Variants in SCN7A observed in about 807,000 individuals in gnomAD.
SCN7A encodes sodium channel protein type 7 subunit alpha.
Under a neutral mutation model 155.2 loss-of-function variants are expected in SCN7A, and 138 were observed. The ratio of observed to expected loss-of-function variants is 0.89; its 90% CI spans 0.77 to 1.02. The LOEUF (loss-of-function observed/expected upper bound fraction) is 1.02. SCN7A is among the 50% of genes least tolerant of loss of function. The pLI, the probability that SCN7A is intolerant of heterozygous loss-of-function variation, is 0.00. For missense variants in SCN7A, 2,058 were observed against 1,986.6 expected (o/e 1.04, Z -0.68); for synonymous variants, 693 against 649.0 (o/e 1.07, Z -1.03).
intron 1 of SCN7A, among the ~76,000 whole-genome samples, chr2:166,490,801 C>T (rs886611758): frequency 2.0e-5 from 3 of 152,150 alleles, no homozygotes; most frequent in African/African-American, 7.2e-5. Context: ...TCCAACCTGC[C>T]CTCCCTGCAA....
At chr2:166,416,099 G>A (rs897070170) in intron 21 of SCN7A, among the ~76,000 whole-genome samples, 3 of 152,064 alleles carry the variant, frequency 2.0e-5, no homozygotes, top group Non-Finnish European at 1.5e-5. Flanking sequence ...ACTGAGATAC[G>A]CCCTGGTCTC....
chr2:166,418,691 AT>A (rs576692214), intron 20 of SCN7A, among the ~76,000 whole-genome samples: 67 of 152,246 alleles, frequency 4.4e-4, no homozygotes, highest in Admixed American at 1.2e-3. Context: ...ACTTTTAAAT[AT>A]TTTGAAAGGT....
chr2:166,414,474 T>TATATAC lies in SCN7A; in HGVS notation c.3415-1354_3415-1353insGTATAT, dbSNP rs1340304505. 9.2e-4 allele frequency: 128 copies of TATATAC among 139,398 alleles called. 2 individuals carry two copies. Among genetic ancestry groups the TATATAC allele is most frequent in the African/African-American group, 3.2e-3 (122 of 37,666 alleles). The allele number at this position is 139,398 out of a possible 1,614,324, so 8.6% of individuals were successfully genotyped here. A position where few individuals can be genotyped will look rare whatever the true frequency, so the allele number is the denominator to read the frequency against. ...ACTGAACTAATAGGATATATATATA[T>TATATAC]ATATATATATATCTCCTATCCTATA... On this transcript the variant is annotated intron_variant, in intron 21 of 25. Coordinates refer to ENST00000643258, the MANE Select transcript of SCN7A (RefSeq NM_002976.4).
chr2:166,470,622 T>A lies in SCN7A; in HGVS notation c.657A>T (p.Leu219Phe). The change falls in exon 7 of 26, where the codon TTA becomes TTT. Residue 219 changes from leucine (L) to phenylalanine (F), a missense_variant. Leu to Phe is a conservative substitution (Grantham distance 22). Transcript: ENST00000643258. ...RTLRILKIIPLNQGLKSLVGV... is the reference protein window; with the variant it reads ...RTLRILKIIPFNQGLKSLVGV... ...TTCAATGCAATTTCTTACCTTGATT[T>A]AAAGGAATAATTTTTAAAATTCTCA... The A allele has an allele frequency of 6.2e-7, 1 of 1,603,482 alleles. No homozygotes were observed. Among genetic ancestry groups the A allele is most frequent in the Non-Finnish European group, 8.5e-7 (1 of 1,173,780 alleles).
chr2:166,481,265 T>C (rs966006401), intron 2 of SCN7A, among the ~76,000 whole-genome samples: 3 of 152,144 alleles, frequency 2.0e-5, no homozygotes, highest in Admixed American at 1.3e-4. Flanking sequence ...AGTCATAAAA[T>C]TGGGATTCCT....
chr2:166,405,941 T>A lies in SCN7A; in HGVS notation c.4688A>T (p.Asp1563Val). The A allele has an allele frequency of 6.2e-7, 1 of 1,612,790 alleles. No individual in the cohort carries two copies. The highest frequency in any genetic ancestry group is 8.5e-7 in the Non-Finnish European group (1 of 1,179,320). ...KPNKGQLIAL[D>V]LPMAVGDRIH... is the part of the protein sequence containing the mutation. ...TCTGTCCCCAACAGCCATGGGGAGG[T>A]CCAAAGCAATGAGCTGGCCCTTGTT... is the stretch of plus-strand genomic sequence containing the variant. The change falls in exon 26 of 26, where the codon GAC (aspartate) becomes GTC (valine). Residue 1563 changes from aspartate to valine, a missense_variant. Physicochemically the swap from Asp to Val is radical, Grantham distance 152. Coordinates refer to ENST00000643258, the MANE Select transcript of SCN7A (RefSeq NM_002976.4).
intron 7 of SCN7A, among the ~76,000 whole-genome samples, chr2:166,470,142 T>G (rs13017982): frequency 2.0e-5 from 3 of 151,692 alleles, no homozygotes; most frequent in African/African-American, 7.2e-5. Context: ...CACAACCACA[T>G]TGATGGAAGA....
chr2:166,490,143 C>T (rs1016673650), intron 1 of SCN7A, among the ~76,000 whole-genome samples: 15 of 151,918 alleles, frequency 9.9e-5, no homozygotes, highest in African/African-American at 3.4e-4. Flanking sequence ...TTGAAATATA[C>T]AACACATTAT....
At chr2:166,446,205 C>T (rs6709223) in intron 12 of SCN7A, among the ~76,000 whole-genome samples, 19,463 of 151,976 alleles carry the variant, frequency 0.13, 1,369 homozygotes, top group Middle Eastern at 0.15. Context: ...AAAAAGTGGG[C>T]GAAGGATATG....
intron 20 of SCN7A, among the ~76,000 whole-genome samples, chr2:166,418,286 T>C (rs1241688817): frequency 9.3e-6 from 1 of 107,908 alleles, no homozygotes; most frequent in Non-Finnish European, 2.1e-5. Context: ...CCGCCAGGCT[T>C]TTTTTTTTTT....
intron 13 of SCN7A, among the ~76,000 whole-genome samples, chr2:166,444,050 G>A (rs1415935377): frequency 6.6e-6 from 1 of 152,154 alleles, no homozygotes; most frequent in African/African-American, 2.4e-5. Context: ...TATGGAAGCT[G>A]TCCTTTAAAA....
At chr2:166,454,411 A>G (rs1193186349) in intron 11 of SCN7A, among the ~76,000 whole-genome samples, 5 of 152,194 alleles carry the variant, frequency 3.3e-5, no homozygotes, top group Admixed American at 3.3e-4. Context: ...ACAAGTAGCT[A>G]TAGAGTCATT....
chr2:166,474,296 C>T lies in SCN7A; in HGVS notation c.283G>A (p.Ala95Thr). 6.5e-7 allele frequency: 1 copy of T among 1,529,856 alleles called. No homozygotes were observed. Among genetic ancestry groups the T allele is most frequent in the South Asian group, 1.2e-5 (1 of 81,584 alleles). The allele number at this position is 1,529,856 out of a possible 1,614,324, so 94.8% of individuals were successfully genotyped here. The change falls in exon 4 of 26, where the codon GCT becomes ACT. Residue 95 changes from alanine to threonine, a missense_variant. Ala to Thr is a moderately conservative substitution (Grantham distance 58). Coordinates refer to ENST00000643258, the MANE Select transcript of SCN7A (RefSeq NM_002976.4). The stretch of plus-strand genomic sequence containing the variant: ...GGAGACAATGTACACAAGATGGAAG[C>T]CGCATTGAATCTGAAGATTGTTCTA... ...KNRTIFRFNA[A>T]SILCTLSPFN...
chr2:166,414,101 T>TATTATATATATGTA (rs1559088079), intron 21 of SCN7A, among the ~76,000 whole-genome samples: 6 of 65,800 alleles, frequency 9.1e-5, no homozygotes. Context: ...ATATATAATA[T>TATTATATATATGTA]ATTATATATA....
intron 2 of SCN7A, among the ~76,000 whole-genome samples, chr2:166,482,717 G>T (rs1702956795): frequency 6.9e-6 from 1 of 145,414 alleles, no homozygotes; most frequent in South Asian, 2.2e-4. Context: ...TTGACTAGAT[G>T]AATGAATGAA....
chr2:166,414,265 C>CT (rs1559088669), intron 21 of SCN7A, among the ~76,000 whole-genome samples: 417 of 22,478 alleles, frequency 0.019, 25 homozygotes, highest in African/African-American at 0.05. Flanking sequence ...GATATATATA[C>CT]ACACACATAT....
At chr2:166,449,795 A>G (rs1337161880) in intron 11 of SCN7A, among the ~76,000 whole-genome samples, 1 of 152,108 alleles carries the variant, frequency 6.6e-6, no homozygotes, top group Non-Finnish European at 1.5e-5. Flanking sequence ...ACCAAAAAAA[A>G]CAAAAACAAA....
At chr2:166,412,257 C>T (rs1019211217) in intron 23 of SCN7A, among the ~76,000 whole-genome samples, 1 of 152,064 alleles carries the variant, frequency 6.6e-6, no homozygotes, top group African/African-American at 2.4e-5. Flanking sequence ...ATTTATTTTT[C>T]AGCCCATAAT....
In SCN7A at chr2:166,476,278, T is replaced by TA. The variant is rs74568701; in HGVS notation, c.234+1184dup. Among the ~76,000 whole-genome samples the TA allele has an allele frequency of 9.1e-4, 136 of 150,110 alleles. 1 individual carries two copies. The highest frequency in any genetic ancestry group is 2.5e-3 in the African/African-American group (102 of 41,008). On this transcript the variant is annotated intron_variant, in intron 3 of 25. Transcript: ENST00000643258. Reference sequence around the variant, plus strand: ...AGTATTCCAAATAACTGTAATTTATTAAAAAAAAAATCACTTTGTCTTCCA... The same window carrying TA: ...AGTATTCCAAATAACTGTAATTTATTAAAAAAAAAAATCACTTTGTCTTCCA...
Sources: gnomAD v4.1 joint callset for allele counts (sites outside exome capture counted in the v4.1 genomes callset) on GRCh38, gnomAD v4.1.1 for gene constraint, MANE v1.5 for transcripts, NCBI Gene and HGNC (gene_info 2026-07-23, HGNC 2026-07-21) for gene names.